Variants in PDSS2 observed in about 807,000 individuals in gnomAD.
PDSS2 encodes the protein decaprenyl diphosphate synthase subunit 2, also known as all trans-polyprenyl-diphosphate synthase PDSS2.
In PDSS2, 31 loss-of-function variants were observed where a neutral mutation model predicts 44.5. The ratio of observed to expected loss-of-function variants is 0.70; its 90% CI spans 0.52 to 0.94. PDSS2 has a LOEUF of 0.94. Among genes scored for constraint, PDSS2 ranks in the 40% least tolerant of loss-of-function variants. The pLI, the probability that PDSS2 is intolerant of heterozygous loss-of-function variation, is 0.00. For missense variants in PDSS2, 452 were observed against 482.2 expected, an observed-to-expected ratio of 0.94 and a Z score of 0.59; for synonymous variants, 157 against 180.3, an observed-to-expected ratio of 0.87 and a Z score of 1.03.
At chr6:107,289,055 C>T (rs1776256534) in intron 2 of PDSS2, among the ~76,000 whole-genome samples, 5 of 150,024 alleles carry the variant, frequency 3.3e-5, no homozygotes, top group Admixed American at 2.6e-4. Flanking sequence ...GCGTGAGTCA[C>T]CGCGCCTGGC....
At chr6:107,264,168 A>G (rs1775334400) in intron 3 of PDSS2, 2 of 848,090 alleles carry the variant, frequency 2.4e-6, no homozygotes, top group South Asian at 1.1e-4. Context: ...TTACTATAAC[A>G]GATAAGACAA....
chr6:107,237,536 C>T (rs1774265339), intron 4 of PDSS2, among the ~76,000 whole-genome samples: 1 of 151,972 alleles, frequency 6.6e-6, no homozygotes, highest in Non-Finnish European at 1.5e-5. Context: ...AGTCACCGTA[C>T]CTGGCCCTGG....
intron 2 of PDSS2, among the ~76,000 whole-genome samples, chr6:107,309,463 G>C (rs1776963624): frequency 6.6e-6 from 1 of 152,108 alleles, no homozygotes; most frequent in African/African-American, 2.4e-5. Context: ...TACCCATTTG[G>C]CTTCTCTTTA....
intron 5 of PDSS2, among the ~76,000 whole-genome samples, chr6:107,211,085 G>A (rs1056712749): frequency 1.3e-5 from 2 of 151,416 alleles, no homozygotes; most frequent in Admixed American, 6.6e-5. Context: ...AGTGGGTGGT[G>A]GTCTTTATTT....
intron 2 of PDSS2, among the ~76,000 whole-genome samples, chr6:107,279,071 T>C (rs1775879403): frequency 6.6e-6 from 1 of 151,998 alleles, no homozygotes; most frequent in African/African-American, 2.4e-5. Flanking sequence ...AATACAAAAA[T>C]TGGCTGGACA....
intron 1 of PDSS2, among the ~76,000 whole-genome samples, chr6:107,426,140 A>G (rs972554662): frequency 6.6e-6 from 1 of 151,982 alleles, no homozygotes; most frequent in East Asian, 1.9e-4. Flanking sequence ...AGGAGGAAAA[A>G]ATGATTTTAT....
chr6:107,174,863 A>C (rs1771731367), intron 7 of PDSS2, among the ~76,000 whole-genome samples: 1 of 152,164 alleles, frequency 6.6e-6, no homozygotes, highest in African/African-American at 2.4e-5. Context: ...TAATAACAGC[A>C]ATGACAATAA....
chr6:107,439,147 G>C (rs1223990953), intron 1 of PDSS2, among the ~76,000 whole-genome samples: 1 of 152,212 alleles, frequency 6.6e-6, no homozygotes, highest in Non-Finnish European at 1.5e-5. Flanking sequence ...CCTGTACAGA[G>C]AATTGAAAAG....
At chr6:107,410,889 T>C (rs907719675) in intron 1 of PDSS2, among the ~76,000 whole-genome samples, 1 of 151,948 alleles carries the variant, frequency 6.6e-6, no homozygotes, top group Non-Finnish European at 1.5e-5. Flanking sequence ...CATGGGTTAT[T>C]TTGTTATTAC....
At chr6:107,304,410 A>C (rs969586077) in intron 2 of PDSS2, among the ~76,000 whole-genome samples, 1 of 152,198 alleles carries the variant, frequency 6.6e-6, no homozygotes, top group Non-Finnish European at 1.5e-5. Flanking sequence ...TTTTCTTTAG[A>C]TTTTACCTTT....
rs58803876 is a variant in PDSS2, at chr6:107,269,340, CTGTGTGTGTG to C, written c.630+4679_630+4688del. On this transcript the variant is annotated intron_variant, in intron 3 of 7. Coordinates refer to ENST00000369037, the MANE Select transcript of PDSS2 (RefSeq NM_020381.4). ...GCCTTCTCAATCTCATTTCGTGTGT[CTGTGTGTGTG>C]TGTGTGTGTGTGTGTGTGTGTGTGT... 2.2e-4 allele frequency among the ~76,000 whole-genome samples: 32 copies of C among 143,306 alleles called. No individual in the cohort carries two copies. The East Asian group carries it at 5.1e-3, about 23-fold the overall frequency. The allele number at this position is 143,306 out of a possible 152,430, so 94.0% of individuals were successfully genotyped here. A position where few individuals can be genotyped will look rare whatever the true frequency, so the allele number is the denominator to read the frequency against.
intron 3 of PDSS2, among the ~76,000 whole-genome samples, chr6:107,261,249 C>T (rs1775211701): frequency 6.6e-6 from 1 of 152,188 alleles, no homozygotes; most frequent in South Asian, 2.1e-4. Context: ...GAATTGTAAA[C>T]CCCAATGCAG....
Position 107,208,591 on chromosome 6 carries a change from AC to A in PDSS2, c.1008+1847del, listed in dbSNP as rs1477526247. Among the ~76,000 whole-genome samples the A allele has an allele frequency of 8.9e-5, 13 of 145,424 alleles. 1 individual carries two copies. The South Asian group carries it at 2.8e-3, about 32-fold the overall frequency. ...ATTACTGGGATTACAGACATGAGCC[AC>A]CACACCTGGCCTGTGACTTTTTTTT... On this transcript the variant is annotated intron_variant, in intron 6 of 7. Coordinates refer to ENST00000369037, the MANE Select transcript of PDSS2 (RefSeq NM_020381.4).
chr6:107,192,981 G>A lies in PDSS2; in HGVS notation c.1041+841C>T, dbSNP rs141540687. 6.6e-3 allele frequency among the ~76,000 whole-genome samples: 999 copies of A among 152,246 alleles called. 10 individuals carry two copies. The highest frequency in any genetic ancestry group is 9.5e-3 in the Non-Finnish European group (649 of 68,012). ...GTTTCTCCCTCCCTGTCTTTGGAGT[G>A]CAGGTGTGCTCACATCCTGGATATT... On this transcript the variant is annotated intron_variant, in intron 7 of 7. Transcript: ENST00000369037.
At chr6:107,249,422 G>C (rs146132852) in intron 3 of PDSS2, among the ~76,000 whole-genome samples, 1 of 152,066 alleles carries the variant, frequency 6.6e-6, no homozygotes, top group Admixed American at 6.5e-5. Context: ...CAAAATCAGG[G>C]ACCTCTGAAA....
At chr6:107,229,167 A>T (rs1441973049) in intron 4 of PDSS2, among the ~76,000 whole-genome samples, 3 of 152,146 alleles carry the variant, frequency 2.0e-5, no homozygotes, top group Non-Finnish European at 4.4e-5. Context: ...AGGAAAAAAA[A>T]TACATTTTTT....
Position 107,275,788 on chromosome 6 carries a change from C to T in PDSS2, c.432-1561G>A, listed in dbSNP as rs372472173. ...ACTCTTAGTGGAAGCTGGAAAGCTACTCAGCTGCAAGTATAAACTGTATCT... is the reference window on the plus strand; with the variant it reads ...ACTCTTAGTGGAAGCTGGAAAGCTATTCAGCTGCAAGTATAAACTGTATCT... On this transcript the variant is annotated intron_variant, in intron 2 of 7. Transcript: ENST00000369037. 2.6e-5 allele frequency among the ~76,000 whole-genome samples: 4 copies of T among 152,186 alleles called. No individual in the cohort carries two copies. The South Asian group carries it at 6.2e-4, about 24-fold the overall frequency.
intron 3 of PDSS2, among the ~76,000 whole-genome samples, chr6:107,249,778 G>T (rs1462286397): frequency 6.6e-6 from 1 of 152,162 alleles, no homozygotes; most frequent in African/African-American, 2.4e-5. Context: ...TGCAGCATAG[G>T]ACAGTAAATG....
chr6:107,324,365 A>G (rs991473805), intron 2 of PDSS2, among the ~76,000 whole-genome samples: 2 of 152,222 alleles, frequency 1.3e-5, no homozygotes, highest in East Asian at 1.9e-4. Flanking sequence ...ATTATTCTGC[A>G]TAATCATTTA....
Sources: gnomAD v4.1 joint callset for allele counts (sites outside exome capture counted in the v4.1 genomes callset) on GRCh38, gnomAD v4.1.1 for gene constraint, MANE v1.5 for transcripts, NCBI Gene and HGNC (gene_info 2026-07-23, HGNC 2026-07-21) for gene names.